Variants in GMDS observed in about 807,000 individuals in gnomAD.
GMDS encodes GDP-mannose 4,6 dehydratase.
Under a neutral mutation model 49.9 loss-of-function variants are expected in GMDS, and 20 were observed. The ratio of observed to expected loss-of-function variants is 0.40; its 90% CI spans 0.28 to 0.58. The LOEUF (loss-of-function observed/expected upper bound fraction) is 0.58, where lower values mean the gene tolerates loss of function less well. Ranked by LOEUF, GMDS falls within the 20% of genes least tolerant of loss-of-function variation. The probability of loss-of-function intolerance (pLI) is 0.42; values close to 1 mark genes in which losing one functional copy is unlikely to be tolerated. For missense variants in GMDS, 362 were observed against 481.4 expected (o/e 0.75, Z 2.32); for synonymous variants, 177 against 178.6 (o/e 0.99, Z 0.07).
chr6:1,721,883 A>G (rs1338155882), intron 9 of GMDS, among the ~76,000 whole-genome samples: 6 of 152,146 alleles, frequency 3.9e-5, no homozygotes, highest in Admixed American at 3.3e-4. Context: ...TTTCAGAAAC[A>G]GGATCAGAAA....
chr6:1,658,578 T>C (rs1450926522), intron 9 of GMDS, among the ~76,000 whole-genome samples: 1 of 152,252 alleles, frequency 6.6e-6, no homozygotes, highest in Non-Finnish European at 1.5e-5. Context: ...TCTTTCTGAA[T>C]GGGTAATGAT....
intron 4 of GMDS, among the ~76,000 whole-genome samples, chr6:2,051,789 C>A (rs1020910500): frequency 6.6e-6 from 1 of 152,122 alleles, no homozygotes; most frequent in African/African-American, 2.4e-5. Context: ...TTGTTTAAAT[C>A]TTCCTTCTTT....
intron 7 of GMDS, among the ~76,000 whole-genome samples, chr6:1,822,972 C>T (rs1039220048): frequency 2.6e-5 from 4 of 152,134 alleles, no homozygotes; most frequent in Non-Finnish European, 1.5e-5. Context: ...AATCTAGTTA[C>T]AGTATGGTGA....
At chr6:2,033,588 T>C (rs1222234382) in intron 4 of GMDS, among the ~76,000 whole-genome samples, 1 of 152,234 alleles carries the variant, frequency 6.6e-6, no homozygotes, top group Admixed American at 6.5e-5. Flanking sequence ...AATTTATTTC[T>C]TAAAAGAATG....
At chr6:2,128,244 G>A (rs1189977335) in intron 1 of GMDS, among the ~76,000 whole-genome samples, 1 of 149,902 alleles carries the variant, frequency 6.7e-6, no homozygotes, top group East Asian at 2.0e-4. Flanking sequence ...GTGCAATCTC[G>A]GCTCACTGCA....
chr6:2,241,181 C>A (rs887883044), intron 1 of GMDS, among the ~76,000 whole-genome samples: 1 of 152,126 alleles, frequency 6.6e-6, no homozygotes, highest in Non-Finnish European at 1.5e-5. Flanking sequence ...CCTGGAACGT[C>A]CTACATGCTG....
intron 9 of GMDS, among the ~76,000 whole-genome samples, chr6:1,641,690 G>A (rs1052701201): frequency 2.6e-5 from 4 of 151,526 alleles, no homozygotes; most frequent in South Asian, 2.1e-4. Context: ...TACAGCTCGC[G>A]TCTCTCGGAT....
chr6:1,711,330 T>C (rs1170446867), intron 9 of GMDS, among the ~76,000 whole-genome samples: 1 of 152,264 alleles, frequency 6.6e-6, no homozygotes, highest in Non-Finnish European at 1.5e-5. Flanking sequence ...GGATGAATCC[T>C]GGAAGACTGT....
chr6:2,008,789 C>T (rs1241860770), intron 4 of GMDS, among the ~76,000 whole-genome samples: 1 of 152,020 alleles, frequency 6.6e-6, no homozygotes, highest in Non-Finnish European at 1.5e-5. Context: ...TCCTTTGCTC[C>T]CAAGGTGGTG....
rs142195037 is a variant in GMDS, at chr6:1,797,894, G to A, written c.772-55308C>T. Among the ~76,000 whole-genome samples, 677 of 152,320 alleles carry A rather than the reference G, an allele frequency of 4.4e-3. 2 individuals are homozygous for A. Among genetic ancestry groups the A allele is most frequent in the African/African-American group, 0.015 (644 of 41,564 alleles). The stretch of plus-strand genomic sequence containing the variant: ...TATACCAGGACAGGTTTGCTAACAA[G>A]TCAAGGCATCTGCACTTTGATAACA... On this transcript the variant is annotated intron_variant, in intron 7 of 10. Coordinates refer to ENST00000380815, the MANE Select transcript of GMDS (RefSeq NM_001500.4).
chr6:2,150,391 A>G (rs1471309572), intron 1 of GMDS, among the ~76,000 whole-genome samples: 1 of 152,204 alleles, frequency 6.6e-6, no homozygotes, highest in East Asian at 1.9e-4. Flanking sequence ...ATTTTAAAAA[A>G]ATAAAAATTT....
In GMDS at chr6:1,959,950, T is replaced by C. The variant is rs1763848490; in HGVS notation, c.560A>G (p.Tyr187Cys). 4.4e-6 allele frequency: 7 copies of C among 1,605,362 alleles called. No individual in the cohort carries two copies. The highest frequency in any genetic ancestry group is 2.7e-5 in the African/African-American group (2 of 74,654). Reference sequence around the variant, plus strand: ...CTCACGGAAGTTCACCACAATCCAATAGGCATAGAGTTTTGCTGCCCCTGT... The same window carrying C: ...CTCACGGAAGTTCACCACAATCCAACAGGCATAGAGTTTTGCTGCCCCTGT... ...SPYGAAKLYAYWIVVNFREAY... is the reference protein window; with the variant it reads ...SPYGAAKLYACWIVVNFREAY... The change falls in exon 6 of 11, where the codon TAT (tyrosine) becomes TGT (cysteine). Residue 187 changes from tyrosine to cysteine, a missense_variant. Transcript: ENST00000380815.
intron 4 of GMDS, among the ~76,000 whole-genome samples, chr6:2,041,699 G>A (rs1769692973): frequency 6.6e-6 from 1 of 152,122 alleles, no homozygotes; most frequent in African/African-American, 2.4e-5. Flanking sequence ...GTAGGGCTCA[G>A]GGGTGTCTGC....
chr6:1,642,323 C>T lies in GMDS; in HGVS notation c.988-17783G>A, dbSNP rs190189630. 3.3e-3 allele frequency among the ~76,000 whole-genome samples: 498 copies of T among 152,156 alleles called. 3 individuals carry two copies. The highest frequency in any genetic ancestry group is 5.3e-3 in the Non-Finnish European group (361 of 67,992). On this transcript the variant is annotated intron_variant, in intron 9 of 10. Transcript: ENST00000380815. Reference sequence around the variant, plus strand: ...CTGGGACTACAGGAATGTGCCACCACGCCCGGCTAATATTTTTGTGTCTTT... The same window carrying T: ...CTGGGACTACAGGAATGTGCCACCATGCCCGGCTAATATTTTTGTGTCTTT...
At chr6:2,069,620 C>A (rs1283411347) in intron 4 of GMDS, among the ~76,000 whole-genome samples, 1 of 152,310 alleles carries the variant, frequency 6.6e-6, no homozygotes, top group South Asian at 2.1e-4. Flanking sequence ...CATGAACAGA[C>A]ACTTCTCAAA....
chr6:2,146,046 G>C (rs1254204368), intron 1 of GMDS, among the ~76,000 whole-genome samples: 1 of 152,174 alleles, frequency 6.6e-6, no homozygotes, highest in Non-Finnish European at 1.5e-5. Flanking sequence ...GTAATCACAT[G>C]AAAGATCCTG....
chr6:1,900,582 G>T (rs537701735), intron 7 of GMDS, among the ~76,000 whole-genome samples: 2 of 152,256 alleles, frequency 1.3e-5, no homozygotes, highest in African/African-American at 4.8e-5. Context: ...CATATCACAA[G>T]CACATGGCTT....
At chr6:1,858,388 A>G (rs1690401377) in intron 7 of GMDS, among the ~76,000 whole-genome samples, 1 of 152,182 alleles carries the variant, frequency 6.6e-6, no homozygotes, top group Non-Finnish European at 1.5e-5. Flanking sequence ...GTGCAGCTGT[A>G]TGGCTTTGTA....
rs969618675 is a variant in GMDS, at chr6:1,778,604, A to C, written c.772-36018T>G. On this transcript the variant is annotated intron_variant, in intron 7 of 10. Coordinates refer to ENST00000380815, the MANE Select transcript of GMDS (RefSeq NM_001500.4). The surrounding 1 kb of genome is among the most constrained non-coding windows in gnomAD (Gnocchi z 4.6). The stretch of plus-strand genomic sequence containing the variant: ...CCAATGTCTCGAACTGCAGGATTAG[A>C]GTAACATTAGTTAACGTGGCCCTCC... Among the ~76,000 whole-genome samples the C allele has an allele frequency of 6.6e-6, 1 of 152,242 alleles. No homozygotes were observed. The highest frequency in any genetic ancestry group is 1.5e-5 in the Non-Finnish European group (1 of 68,038).
Sources: gnomAD v4.1 joint callset for allele counts (sites outside exome capture counted in the v4.1 genomes callset) on GRCh38, gnomAD v4.1.1 for gene constraint, Gnocchi (gnomAD v3.1) non-coding constraint, MANE v1.5 for transcripts, NCBI Gene and HGNC (gene_info 2026-07-23, HGNC 2026-07-21) for gene names.